The following GAS7 variants were observed in gnomAD, a reference collection of about 807,000 sequenced individuals.
GAS7 encodes growth arrest specific 7.
In GAS7, 28 loss-of-function variants were observed where a neutral mutation model predicts 71.1. That is an observed-to-expected ratio of 0.39 (90% CI 0.29 to 0.54). The LOEUF (loss-of-function observed/expected upper bound fraction) is 0.54. GAS7 is among the 20% of genes least tolerant of loss of function. The pLI is 0.62. For synonymous variants in GAS7, 258 were observed against 245.8 expected (o/e 1.05, Z -0.46); for missense variants, 436 against 627.8 (o/e 0.69, Z 3.27).
chr17:9,915,998 AG>A lies in GAS7; in HGVS notation c.*1229del, dbSNP rs909169600. On this transcript the variant is annotated 3_prime_UTR_variant, in exon 14 of 14. Coordinates refer to ENST00000432992, the MANE Select transcript of GAS7 (RefSeq NM_201433.2). ...GGAAAGGAGGTGCAGACACCAAGTA[AG>A]GGTTTGGTGCAGGGCTCTGGAATGT... 4.3e-6 allele frequency: 1 copy of A among 232,826 alleles called. No individual in the cohort carries two copies. The highest frequency in any genetic ancestry group is 2.2e-5 in the African/African-American group (1 of 45,348). The allele number at this position is 232,826 out of a possible 1,614,324, so 14.4% of individuals were successfully genotyped here. A position where few individuals can be genotyped will look rare whatever the true frequency, so the allele number is the denominator to read the frequency against.
At chr17:10,133,119 TA>T (rs2074010765) in intron 1 of GAS7, among the ~76,000 whole-genome samples, 3 of 121,142 alleles carry the variant, frequency 2.5e-5, no homozygotes, top group African/African-American at 9.2e-5. Flanking sequence ...TATATATTTT[TA>T]TATTTTTTTT....
At chr17:10,110,527 G>A (rs1165823870) in intron 1 of GAS7, among the ~76,000 whole-genome samples, 3 of 152,018 alleles carry the variant, frequency 2.0e-5, no homozygotes, top group African/African-American at 7.2e-5. Context: ...GTGCAATGGC[G>A]CAATCTTGGC....
intron 1 of GAS7, among the ~76,000 whole-genome samples, chr17:10,061,558 A>G (rs1011129271): frequency 2.0e-5 from 3 of 152,186 alleles, no homozygotes; most frequent in African/African-American, 7.2e-5. Context: ...TGTTTTATTG[A>G]GTTTTTTTAT....
intron 1 of GAS7, 88 bp from the exon 2 acceptor site, chr17:10,019,985 C>A: frequency 7.8e-7 from 1 of 1,282,794 alleles, no homozygotes; most frequent in East Asian, 2.3e-5. Context: ...TGAATTCACC[C>A]TACAGTAGCG....
intron 1 of GAS7, among the ~76,000 whole-genome samples, chr17:10,126,591 CACACACACGCTCACACACATGCAG>C (rs2073952847): frequency 6.6e-6 from 1 of 151,902 alleles, no homozygotes; most frequent in Non-Finnish European, 1.5e-5. Flanking sequence ...CACACATTCA[CACACACACGCTCACACACATGCAG>C]ACACACTCAC....
intron 1 of GAS7, among the ~76,000 whole-genome samples, chr17:10,194,843 T>C (rs2074529332): frequency 8.0e-6 from 1 of 125,242 alleles, no homozygotes; most frequent in African/African-American, 3.1e-5. Context: ...TGAGCAACAG[T>C]GCGAGACTCT....
intron 1 of GAS7, among the ~76,000 whole-genome samples, chr17:10,170,607 T>C (rs889322865): frequency 2.0e-5 from 3 of 152,214 alleles, no homozygotes; most frequent in Admixed American, 1.3e-4. Flanking sequence ...TAGATCACCA[T>C]GCAGTTTGCT....
chr17:10,104,363 T>C (rs117697081), intron 1 of GAS7, among the ~76,000 whole-genome samples: 2,990 of 152,264 alleles, frequency 0.02, 45 homozygotes, highest in Admixed American at 0.031. Flanking sequence ...TTTTGGATCA[T>C]CCTCTGTGTG....
At chr17:9,956,611 C>A (rs2069248486) in intron 5 of GAS7, among the ~76,000 whole-genome samples, 1 of 152,176 alleles carries the variant, frequency 6.6e-6, no homozygotes, top group African/African-American at 2.4e-5. Context: ...GGAAACAAGA[C>A]CCAGCAAGGC....
intron 1 of GAS7, among the ~76,000 whole-genome samples, chr17:10,133,500 T>G (rs111971999): frequency 7.2e-5 from 11 of 152,336 alleles, no homozygotes; most frequent in African/African-American, 2.4e-4. Flanking sequence ...ACATACACTG[T>G]GGAGTGGCTC....
chr17:9,931,055 C>T (rs377667139), intron 9 of GAS7, among the ~76,000 whole-genome samples: 1 of 152,202 alleles, frequency 6.6e-6, no homozygotes, highest in Non-Finnish European at 1.5e-5. Context: ...TGGAAAGGCA[C>T]AGGCTCAAGA....
chr17:10,078,442 C>G (rs2073420613), intron 1 of GAS7, among the ~76,000 whole-genome samples: 1 of 152,102 alleles, frequency 6.6e-6, no homozygotes, highest in Non-Finnish European at 1.5e-5. Context: ...GTGCAAGGGA[C>G]AGAGAAAACC....
intron 4 of GAS7, among the ~76,000 whole-genome samples, chr17:9,968,200 G>C (rs7212261): frequency 0.48 from 73,244 of 152,018 alleles, 17,721 homozygotes; most frequent in Middle Eastern, 0.51. Flanking sequence ...GGCAAGCTGG[G>C]AGCTCAGCAG....
At chr17:10,045,489 G>C (rs1255432015) in intron 1 of GAS7, among the ~76,000 whole-genome samples, 1 of 152,234 alleles carries the variant, frequency 6.6e-6, no homozygotes, top group African/African-American at 2.4e-5. Flanking sequence ...CTGAAGTCAG[G>C]AGTTCAAGGC....
At position 9,934,171 on chromosome 17, in the gene GAS7, C is replaced by T; in HGVS notation, c.880G>A (p.Ala294Thr). ...DEAEVHLKFSAKLHSEVEKPL... is the reference protein window; with the variant it reads ...DEAEVHLKFSTKLHSEVEKPL... ...TGGCTGCAGGGAGGGGTTACCTTGG[C>T]AGAGAACTTGAGGTGAACTTCTGCT... is the stretch of plus-strand genomic sequence containing the variant. The change falls in exon 9 of 14, where the codon GCC (alanine) becomes ACC (threonine). Residue 294 changes from alanine to threonine, a missense_variant. Physicochemically the swap from Ala to Thr is moderately conservative, Grantham distance 58 (BLOSUM62 0). Transcript: ENST00000432992. 1.2e-6 allele frequency: 2 copies of T among 1,608,704 alleles called. No individual in the cohort carries two copies. The highest frequency in any genetic ancestry group is 1.7e-6 in the Non-Finnish European group (2 of 1,175,108).
intron 1 of GAS7, among the ~76,000 whole-genome samples, chr17:10,092,841 C>T (rs1327362655): frequency 6.6e-6 from 1 of 152,234 alleles, no homozygotes; most frequent in Non-Finnish European, 1.5e-5. Flanking sequence ...ATGGTCACAT[C>T]ACCTTCTCCT....
intron 1 of GAS7, among the ~76,000 whole-genome samples, chr17:10,128,369 T>G (rs2073967685): frequency 6.6e-6 from 1 of 152,174 alleles, no homozygotes; most frequent in African/African-American, 2.4e-5. Context: ...CAGGAGCCAT[T>G]AGAGGGAGTG....
intron 1 of GAS7, among the ~76,000 whole-genome samples, chr17:10,089,533 AG>A (rs2073558652): frequency 6.8e-6 from 1 of 147,814 alleles, no homozygotes; most frequent in Non-Finnish European, 1.5e-5. Flanking sequence ...AAAAAAAAAA[AG>A]TATTTAAAGA....
intron 2 of GAS7, among the ~76,000 whole-genome samples, chr17:10,002,379 T>C (rs57644252): frequency 0.24 from 35,673 of 151,714 alleles, 6,422 homozygotes; most frequent in African/African-American, 0.51. Flanking sequence ...ATATTGGATA[T>C]AGGTCCACTA....
Sources: gnomAD v4.1 joint callset for allele counts (sites outside exome capture counted in the v4.1 genomes callset) on GRCh38, gnomAD v4.1.1 for gene constraint, MANE v1.5 for transcripts, NCBI Gene and HGNC (gene_info 2026-07-23, HGNC 2026-07-21) for gene names.